Variants in SUMF1 observed in about 807,000 individuals in gnomAD.
SUMF1 encodes the protein sulfatase modifying factor 1, also known as formylglycine-generating enzyme.
SUMF1 carries 48 observed loss-of-function variants against 47.6 expected under a neutral mutation model. The observed-to-expected ratio is 1.01, with a 90% CI of 0.80 to 1.28. The LOEUF (loss-of-function observed/expected upper bound fraction) is 1.28. SUMF1 is among the 50% of genes most tolerant of loss of function. The pLI is 0.00. For synonymous variants in SUMF1, 230 were observed against 192.1 expected (o/e 1.20, Z -1.63); for missense variants, 571 against 485.4 (o/e 1.18, Z -1.66).
chr3:4,367,292 TC>T (rs1347217038), intron 8 of SUMF1, among the ~76,000 whole-genome samples: 1 of 152,218 alleles, frequency 6.6e-6, no homozygotes, highest in East Asian at 1.9e-4. Context: ...GTTACTGCTA[TC>T]TTTTTGTTTG....
At chr3:4,281,012 A>G (rs570330881) in intron 8 of SUMF1, among the ~76,000 whole-genome samples, 17 of 152,136 alleles carry the variant, frequency 1.1e-4, no homozygotes, top group African/African-American at 4.1e-4. Flanking sequence ...AGGAGTTAGG[A>G]CTTCAACATC....
chr3:4,282,600 C>T (rs191643020), intron 8 of SUMF1, among the ~76,000 whole-genome samples: 3 of 152,268 alleles, frequency 2.0e-5, no homozygotes, highest in Admixed American at 2.0e-4. Context: ...CCCTTTTACA[C>T]TAAATGGCAC....
intron 9 of SUMF1, among the ~76,000 whole-genome samples, chr3:4,041,660 T>C (rs754400039): frequency 6.6e-6 from 1 of 152,172 alleles, no homozygotes; most frequent in Non-Finnish European, 1.5e-5. Flanking sequence ...TTTTTATGCG[T>C]AGGTGACATT....
chr3:4,328,096 T>C (rs771329079), intron 8 of SUMF1, among the ~76,000 whole-genome samples: 5 of 152,130 alleles, frequency 3.3e-5, no homozygotes, highest in African/African-American at 7.2e-5. Flanking sequence ...CGGGTGCCTG[T>C]AGTCCAAGGT....
intron 8 of SUMF1, among the ~76,000 whole-genome samples, chr3:4,311,974 A>G (rs73807001): frequency 0.013 from 2,007 of 152,316 alleles, 48 homozygotes; most frequent in African/African-American, 0.046. Context: ...CATAGAGTTT[A>G]GATTGAGGAT....
At chr3:4,456,684 A>ATG (rs2079620238) in intron 1 of SUMF1, among the ~76,000 whole-genome samples, 1 of 139,968 alleles carries the variant, frequency 7.1e-6, no homozygotes, top group Non-Finnish European at 1.5e-5. Flanking sequence ...GTGTATATAT[A>ATG]TATGTGTGTA....
At chr3:4,146,361 T>TA (rs1694192745) in intron 8 of SUMF1, among the ~76,000 whole-genome samples, 1 of 151,400 alleles carries the variant, frequency 6.6e-6, no homozygotes, top group Admixed American at 6.6e-5. Flanking sequence ...AGCCACAGTC[T>TA]AAAAAAAGAT....
chr3:4,362,657 C>A (rs1699804926), intron 8 of SUMF1, among the ~76,000 whole-genome samples: 1 of 152,182 alleles, frequency 6.6e-6, no homozygotes, highest in Admixed American at 6.5e-5. Flanking sequence ...CGCACTGGCT[C>A]ACACCTGTAA....
intron 9 of SUMF1, among the ~76,000 whole-genome samples, chr3:4,057,130 T>C (rs766334235): frequency 2.0e-5 from 3 of 151,954 alleles, no homozygotes; most frequent in African/African-American, 7.3e-5. Context: ...TTGAAATGAG[T>C]GCCAATAAAA....
chr3:4,371,633 G>A (rs1434013950), intron 8 of SUMF1, among the ~76,000 whole-genome samples: 1 of 152,138 alleles, frequency 6.6e-6, no homozygotes, highest in East Asian at 1.9e-4. Context: ...TAATGTTGTA[G>A]GCTGAGCTAA....
At chr3:4,263,312 G>A (rs1697123765) in intron 8 of SUMF1, among the ~76,000 whole-genome samples, 2 of 152,138 alleles carry the variant, frequency 1.3e-5, no homozygotes, top group South Asian at 4.1e-4. Flanking sequence ...TCTGCTTCAT[G>A]AAATTGTCTC....
chr3:4,042,590 A>G (rs371525521), intron 9 of SUMF1, among the ~76,000 whole-genome samples: 22 of 152,278 alleles, frequency 1.4e-4, no homozygotes, highest in African/African-American at 5.1e-4. Flanking sequence ...ATTATTTCAA[A>G]ACAATTATGT....
chr3:4,369,356 G>C (rs960335783), intron 8 of SUMF1, among the ~76,000 whole-genome samples: 1 of 152,186 alleles, frequency 6.6e-6, no homozygotes, highest in Admixed American at 6.5e-5. Flanking sequence ...TGCAATGGAA[G>C]CTCTCAAATG....
At chr3:4,465,543 G>A (rs1202154628) in intron 1 of SUMF1, among the ~76,000 whole-genome samples, 3 of 151,730 alleles carry the variant, frequency 2.0e-5, no homozygotes, top group Admixed American at 6.6e-5. Context: ...AAGTTAGAGA[G>A]GAATTAATAT....
chr3:4,251,376 T>A (rs140190954), intron 8 of SUMF1, among the ~76,000 whole-genome samples: 1 of 152,348 alleles, frequency 6.6e-6, no homozygotes, highest in Non-Finnish European at 1.5e-5. Context: ...TGGAATCTAC[T>A]CCTGGTGAAG....
intron 8 of SUMF1, among the ~76,000 whole-genome samples, chr3:4,272,602 T>TGG (rs2125037574): frequency 6.6e-6 from 1 of 152,280 alleles, no homozygotes; most frequent in African/African-American, 2.4e-5. Flanking sequence ...AACCTGGGTG[T>TGG]GGCATCACAG....
At chr3:4,440,267 T>C (rs995047694) in intron 3 of SUMF1, among the ~76,000 whole-genome samples, 3 of 137,540 alleles carry the variant, frequency 2.2e-5, no homozygotes, top group Non-Finnish European at 3.1e-5. Context: ...AAAAAAAAGA[T>C]ACTGAGCTAT....
At chr3:4,367,340 C>G (rs577941897) in intron 8 of SUMF1, among the ~76,000 whole-genome samples, 30 of 152,228 alleles carry the variant, frequency 2.0e-4, no homozygotes, top group Admixed American at 7.9e-4. Flanking sequence ...CCTACAGAGG[C>G]AGCCAGGCCT....
chr3:4,466,260 C>T (rs1265034403), intron 1 of SUMF1, among the ~76,000 whole-genome samples: 2 of 152,046 alleles, frequency 1.3e-5, no homozygotes, highest in African/African-American at 4.8e-5. Context: ...TACAGGCGCC[C>T]GCCACCACGC....
Sources: gnomAD v4.1 joint callset for allele counts (sites outside exome capture counted in the v4.1 genomes callset) on GRCh38, gnomAD v4.1.1 for gene constraint, MANE v1.5 for transcripts, NCBI Gene and HGNC (gene_info 2026-07-23, HGNC 2026-07-21) for gene names.